Variants in KSR2 observed in about 807,000 individuals in gnomAD.
KSR2 encodes the protein kinase suppressor of ras 2.
In KSR2, 25 loss-of-function variants were observed where a neutral mutation model predicts 107.8. The observed-to-expected ratio is 0.23, with a 90% confidence interval of 0.17 to 0.32. The LOEUF (loss-of-function observed/expected upper bound fraction) is 0.32. Ranked by LOEUF, KSR2 falls within the 10% of genes least tolerant of loss-of-function variation. KSR2 has a pLI of 1.00. For synonymous variants in KSR2, 480 were observed against 507.0 expected (o/e 0.95, Z 0.71); for missense variants, 887 against 1,268.9 (o/e 0.70, Z 4.57).
intron 1 of KSR2, among the ~76,000 whole-genome samples, chr12:117,905,882 A>C (rs1394045916): frequency 1.3e-5 from 2 of 152,162 alleles, no homozygotes; most frequent in Non-Finnish European, 2.9e-5. Flanking sequence ...ATCTGGAAAA[A>C]AAAAAAAAAG....
intron 1 of KSR2, among the ~76,000 whole-genome samples, chr12:117,925,135 T>C (rs145717075): frequency 2.9e-4 from 44 of 151,970 alleles, no homozygotes; most frequent in African/African-American, 8.9e-4. Flanking sequence ...TTCTTTTTTT[T>C]TTTTTTCAGA....
intron 4 of KSR2, among the ~76,000 whole-genome samples, chr12:117,729,295 G>A (rs964868771): frequency 3.3e-5 from 5 of 152,234 alleles, no homozygotes; most frequent in Admixed American, 6.5e-5. Context: ...CTCAGCAATA[G>A]GGAAGGGACC....
At chr12:117,878,637 G>T (rs1893942176) in intron 1 of KSR2, among the ~76,000 whole-genome samples, 1 of 152,160 alleles carries the variant, frequency 6.6e-6, no homozygotes, top group South Asian at 2.1e-4. Context: ...TGCTGCTGGG[G>T]CTACTGTAAG....
At chr12:117,478,802 G>A (rs768259377) in intron 16 of KSR2, among the ~76,000 whole-genome samples, 1 of 152,122 alleles carries the variant, frequency 6.6e-6, no homozygotes, top group Non-Finnish European at 1.5e-5. Context: ...GCCACATCTG[G>A]CTAGTGGCCA....
At position 117,715,812 on chromosome 12, in the gene KSR2, A is replaced by G. The variant is rs139349090; in HGVS notation, c.986+45199T>C. On this transcript the variant is annotated intron_variant, in intron 4 of 19. Coordinates refer to ENST00000339824, the MANE Select transcript of KSR2 (RefSeq NM_173598.6). Reference sequence around the variant, plus strand: ...AACAAATATTCATCAACAACATGCCATATATCTGGTACCTTGGATATCAAG... The same window carrying G: ...AACAAATATTCATCAACAACATGCCGTATATCTGGTACCTTGGATATCAAG... Among the ~76,000 whole-genome samples, 20 of 152,314 alleles carry G rather than the reference A, an allele frequency of 1.3e-4. No individual in the cohort carries two copies. In the East Asian group the frequency reaches 3.9e-3, roughly 29 times the overall value.
At chr12:117,958,053 G>A (rs573580935) in intron 1 of KSR2, among the ~76,000 whole-genome samples, 1 of 152,190 alleles carries the variant, frequency 6.6e-6, no homozygotes, top group East Asian at 1.9e-4. Flanking sequence ...AGCTGGTCTT[G>A]AACTCCTGGC....
rs373545588 is a variant in KSR2, at chr12:117,466,860, C to T, written c.*339G>A. On this transcript the variant is annotated 3_prime_UTR_variant, in exon 20 of 20. Coordinates refer to ENST00000339824, the MANE Select transcript of KSR2 (RefSeq NM_173598.6). ...ACATAGCCCCGTCTGTGAGCCCCCC[C>T]ACGTGGGGTCTCCTGTCCTAGTCCC... The T allele has an allele frequency of 1.6e-5, 5 of 305,022 alleles. No homozygotes were observed. Among genetic ancestry groups the T allele is most frequent in the African/African-American group, 8.6e-5 (4 of 46,622 alleles). The allele number at this position is 305,022 out of a possible 1,614,324, so 18.9% of individuals were successfully genotyped here.
chr12:117,652,689 A>G (rs776038559), intron 5 of KSR2, among the ~76,000 whole-genome samples: 20 of 152,230 alleles, frequency 1.3e-4, no homozygotes, highest in Non-Finnish European at 2.6e-4. Flanking sequence ...GCACTGGGGA[A>G]AGGGAAATGA....
chr12:117,868,300 C>G (rs1332809068), intron 1 of KSR2, among the ~76,000 whole-genome samples: 1 of 151,724 alleles, frequency 6.6e-6, no homozygotes, highest in African/African-American at 2.4e-5. Flanking sequence ...TGGTGCACAT[C>G]TGTAGTCCCA....
intron 5 of KSR2, among the ~76,000 whole-genome samples, chr12:117,602,952 T>C (rs1244140611): frequency 6.6e-5 from 10 of 152,166 alleles, no homozygotes; most frequent in African/African-American, 2.2e-4. Context: ...AGGGATAGAA[T>C]TAGTTCAGTC....
At chr12:117,688,849 G>A (rs1885695903) in intron 4 of KSR2, among the ~76,000 whole-genome samples, 1 of 152,186 alleles carries the variant, frequency 6.6e-6, no homozygotes, top group Non-Finnish European at 1.5e-5. Context: ...AAAGCCCATA[G>A]TGTTTATGTC....
intron 1 of KSR2, among the ~76,000 whole-genome samples, chr12:117,861,634 C>T (rs1157263888): frequency 1.3e-5 from 2 of 151,858 alleles, no homozygotes; most frequent in Non-Finnish European, 2.9e-5. Flanking sequence ...GGGATCTGCC[C>T]GCCTCGGCCT....
At chr12:117,489,103 A>T (rs182951195) in intron 14 of KSR2, among the ~76,000 whole-genome samples, 1 of 152,288 alleles carries the variant, frequency 6.6e-6, no homozygotes, top group East Asian at 1.9e-4. Flanking sequence ...GTGCATAAGC[A>T]AATGAAACTG....
chr12:117,475,365 A>G (rs1304372804), intron 17 of KSR2, among the ~76,000 whole-genome samples: 1 of 151,994 alleles, frequency 6.6e-6, no homozygotes, highest in Non-Finnish European at 1.5e-5. Context: ...CTCTTCATCC[A>G]TCAGCTCCCT....
chr12:117,636,103 A>T (rs7305714), intron 5 of KSR2, among the ~76,000 whole-genome samples: 25,115 of 152,130 alleles, frequency 0.17, 2,159 homozygotes, highest in Middle Eastern at 0.23. Flanking sequence ...GTATGTTACT[A>T]CTTTTAAATG....
intron 1 of KSR2, among the ~76,000 whole-genome samples, chr12:117,861,209 C>G (rs1048557105): frequency 6.6e-6 from 1 of 152,112 alleles, no homozygotes; most frequent in African/African-American, 2.4e-5. Flanking sequence ...AACAAAGAAA[C>G]TTATGCAGCT....
intron 3 of KSR2, among the ~76,000 whole-genome samples, chr12:117,840,141 C>T (rs1881661135): frequency 6.6e-6 from 1 of 151,602 alleles, no homozygotes; most frequent in African/African-American, 2.4e-5. Context: ...CTCTGTCACC[C>T]AGGCCAGAGT....
At chr12:117,640,541 C>G (rs1469965995) in intron 5 of KSR2, among the ~76,000 whole-genome samples, 2 of 152,268 alleles carry the variant, frequency 1.3e-5, no homozygotes, top group Admixed American at 6.5e-5. Context: ...TGTGAGCCAC[C>G]GTGCCCAGCC....
At chr12:117,775,897 A>C (rs1295695220) in intron 3 of KSR2, among the ~76,000 whole-genome samples, 1 of 152,148 alleles carries the variant, frequency 6.6e-6, no homozygotes, top group Non-Finnish European at 1.5e-5. Context: ...GAGGACGCAA[A>C]GGCATAAAAA....
Sources: gnomAD v4.1 joint callset for allele counts (sites outside exome capture counted in the v4.1 genomes callset) on GRCh38, gnomAD v4.1.1 for gene constraint, MANE v1.5 for transcripts, NCBI Gene and HGNC (gene_info 2026-07-23, HGNC 2026-07-21) for gene names.